The following TNC variants were observed in gnomAD, a reference collection of about 807,000 sequenced individuals.
TNC encodes tenascin.
Under a neutral mutation model 202.4 loss-of-function variants are expected in TNC, and 109 were observed. That is an observed-to-expected ratio of 0.54 (90% CI 0.46 to 0.63). The LOEUF (loss-of-function observed/expected upper bound fraction) is 0.63, where lower values mean the gene tolerates loss of function less well. Among genes scored for constraint, TNC ranks in the 30% least tolerant of loss-of-function variants. The pLI is 0.00. For synonymous variants in TNC, 1,007 were observed against 1,089.7 expected (o/e 0.92, Z 1.50); for missense variants, 2,756 against 2,833.3 (o/e 0.97, Z 0.62).
At chr9:115,026,743 C>T in intron 25 of TNC, 48 bp from the exon 26 acceptor site, 2 of 1,597,096 alleles carry the variant, frequency 1.3e-6, no homozygotes, top group South Asian at 1.1e-5. Flanking sequence ...TGACTGAGGC[C>T]CTCATTTCTA....
chr9:115,054,092 C>A (rs7858752), intron 15 of TNC, among the ~76,000 whole-genome samples: 16,014 of 152,056 alleles, frequency 0.11, 898 homozygotes, highest in Middle Eastern at 0.17. Flanking sequence ...TAGAGAGAGG[C>A]AACAGTACTG....
At chr9:115,063,746 C>A in intron 12 of TNC, 50 bp downstream of exon 12, 1 of 1,571,798 alleles carries the variant, frequency 6.4e-7, no homozygotes, top group South Asian at 1.2e-5. Flanking sequence ...TGATTCCTCC[C>A]GAGCAGAGAC....
chr9:115,084,591 T>G, intron 3 of TNC, 119 bp from the exon 4 acceptor site: 1 of 1,246,368 alleles, frequency 8.0e-7, no homozygotes, highest in Non-Finnish European at 1.1e-6. Flanking sequence ...TTCTGTTGCC[T>G]CTAAAATGCA....
In TNC at chr9:115,023,990, C is replaced by T. The variant is rs2131491175; in HGVS notation, c.6478G>A (p.Asp2160Asn). ...HRVNLMGRYG[D>N]NNHSQGVNWF... ...CCACTCACCTGACTGTGGTTATTGT[C>T]CCCATATCTCCCCATCAGGTTGACA... Residue 2160 changes from aspartate (D) to asparagine (N), a missense_variant, in exon 27 of 28, where the codon GAC becomes AAC. Transcript: ENST00000350763. The T allele has an allele frequency of 6.2e-7, 1 of 1,613,942 alleles. No individual in the cohort carries two copies. Among genetic ancestry groups the T allele is most frequent in the Non-Finnish European group, 8.5e-7 (1 of 1,179,846 alleles).
chr9:115,086,432 G>T lies in TNC; in HGVS notation c.1299C>A (p.Asp433Glu). Reference sequence around the variant, plus strand: ...CATTGGGGCACCGTAGCTGGCTGCAGTCCTCCCCAGTATAGCCCTCATCAC... The same window carrying T: ...CATTGGGGCACCGTAGCTGGCTGCATTCCTCCCCAGTATAGCCCTCATCAC... ...CVCDEGYTGE[D>E]CSQLRCPNDC... Residue 433 changes from aspartate (D) to glutamate (E), a missense_variant, in exon 3 of 28, where the codon GAC becomes GAA. Physicochemically the swap from Asp to Glu is conservative, Grantham distance 45. This residue lies in a region of TNC where 2,559 missense variants were observed against 2,546.0 expected (regional missense o/e 1.01). Transcript: ENST00000350763. The T allele has an allele frequency of 6.2e-7, 1 of 1,614,004 alleles. No homozygotes were observed. The highest frequency in any genetic ancestry group is 8.5e-7 in the Non-Finnish European group (1 of 1,180,024).
chr9:115,036,214 C>T lies in TNC; in HGVS notation c.5540G>A (p.Gly1847Glu). Reference sequence around the variant, plus strand: ...GGTCAGAGCATACTCCACTGTGTTCCCGGACACCGTGCGTGTAATTTCTGG... The same window carrying T: ...GGTCAGAGCATACTCCACTGTGTTCTCGGACACCGTGCGTGTAATTTCTGG... Reference protein sequence around the residue: ...KVPEITRTVSGNTVEYALTDL... With the variant: ...KVPEITRTVSENTVEYALTDL... Residue 1847 changes from glycine (G) to glutamate (E), a missense_variant, in exon 21 of 28, where the codon GGG becomes GAG. Physicochemically the swap from Gly to Glu is moderately conservative, Grantham distance 98. This residue lies in a region of TNC where 2,559 missense variants were observed against 2,546.0 expected (regional missense o/e 1.01). Coordinates refer to ENST00000350763, the MANE Select transcript of TNC (RefSeq NM_002160.4). The T allele has an allele frequency of 6.2e-7, 1 of 1,614,138 alleles. No individual in the cohort carries two copies. The highest frequency in any genetic ancestry group is 8.5e-7 in the Non-Finnish European group (1 of 1,180,008).
chr9:115,064,079 A>G lies in TNC; in HGVS notation c.3488-11T>C. The G allele has an allele frequency of 6.3e-7, 1 of 1,595,698 alleles. No homozygotes were observed. The highest frequency in any genetic ancestry group is 8.6e-7 in the Non-Finnish European group (1 of 1,169,244). On this transcript the variant is annotated splice_polypyrimidine_tract_variant and intron_variant, in intron 11 of 27. Transcript: ENST00000350763. ...AATTGGGAGTTTCCCCTGGAGAAGG[A>G]CAAAGAACTAGTTTAGTGATCAAAT...
chr9:115,041,310 G>GGT (rs1331447108), intron 18 of TNC, among the ~76,000 whole-genome samples: 38 of 124,604 alleles, frequency 3.0e-4, no homozygotes, highest in Non-Finnish European at 1.5e-4. Context: ...CAGGAGGGGC[G>GGT]GGGGAAAACA....
At chr9:115,021,608 T>C (rs2131422346) in intron 27 of TNC, among the ~76,000 whole-genome samples, 1 of 152,282 alleles carries the variant, frequency 6.6e-6, no homozygotes, top group Non-Finnish European at 1.5e-5. Flanking sequence ...GTTCAGGTCA[T>C]TATTAGAAGT....
chr9:115,042,282 T>G lies in TNC; in HGVS notation c.5185A>C (p.Ser1729Arg). The G allele has an allele frequency of 1.9e-6, 3 of 1,614,136 alleles. No homozygotes were observed. The highest frequency in any genetic ancestry group is 2.5e-6 in the Non-Finnish European group (3 of 1,179,986). ...ACTTGGGCTGTGGGTGCCCTCCAGC[T>G]GACAGTAGCCGAATTTTCAGTGATG... ...SDITENSATV[S>R]WRAPTAQVES... Residue 1729 changes from serine to arginine, a missense_variant, in exon 18 of 28, where the codon AGC (serine) becomes CGC (arginine). By Grantham distance (110) the Ser-to-Arg change is moderately radical (BLOSUM62 -1). Coordinates refer to ENST00000350763, the MANE Select transcript of TNC (RefSeq NM_002160.4).
chr9:115,096,951 CTCTT>C (rs1835842907), intron 1 of TNC, among the ~76,000 whole-genome samples: 1 of 152,178 alleles, frequency 6.6e-6, no homozygotes, highest in Admixed American at 6.5e-5. Context: ...AGTCTAATGT[CTCTT>C]TCTGTCTGCT....
intron 17 of TNC, among the ~76,000 whole-genome samples, chr9:115,045,152 T>C (rs1588047190): frequency 6.6e-6 from 1 of 152,146 alleles, no homozygotes; most frequent in Admixed American, 6.5e-5. Flanking sequence ...AGCTACATCA[T>C]CTCTCAGGTC....
chr9:115,048,238 T>C (rs1268843787), intron 16 of TNC, 22 bp downstream of exon 16: 2 of 1,608,464 alleles, frequency 1.2e-6, no homozygotes, highest in South Asian at 2.2e-5. Context: ...GAGGAACAAA[T>C]GGCTCACTTG....
chr9:115,041,155 A>G (rs1012914382), intron 18 of TNC, 71 bp from the exon 19 acceptor site: 2 of 1,495,576 alleles, frequency 1.3e-6, no homozygotes, highest in Non-Finnish European at 9.0e-7. Flanking sequence ...GCCCCCAAAA[A>G]GAGTGTATCT....
chr9:115,072,661 A>G (rs1833549176), intron 10 of TNC, among the ~76,000 whole-genome samples: 1 of 152,156 alleles, frequency 6.6e-6, no homozygotes, highest in Non-Finnish European at 1.5e-5. Context: ...CGCAAGCACT[A>G]TGAGCAGGCA....
At chr9:115,082,031 A>T in intron 5 of TNC, 103 bp from the exon 6 acceptor site, 1 of 1,174,374 alleles carries the variant, frequency 8.5e-7, no homozygotes, top group South Asian at 1.6e-5. Flanking sequence ...TTATTCTTTC[A>T]TCGATTCATT....
At chr9:115,062,812 T>A in intron 13 of TNC, 105 bp downstream of exon 13, 1 of 1,317,382 alleles carries the variant, frequency 7.6e-7, no homozygotes, top group Non-Finnish European at 1.0e-6. Context: ...TCACGCTGTC[T>A]GTCAACAACA....
rs752546303 is a variant in TNC at position 115,073,842 on chromosome 9, T to C, written c.2975A>G (p.Gln992Arg). 6.2e-7 allele frequency: 1 copy of C among 1,612,048 alleles called. No homozygotes were observed. Among genetic ancestry groups the C allele is most frequent in the South Asian group, 1.1e-5 (1 of 91,078 alleles). The change falls in exon 10 of 28, where the codon CAG (glutamine) becomes CGG (arginine). Residue 992 changes from glutamine (Q) to arginine (R), a missense_variant. By Grantham distance (43) the Gln-to-Arg change is conservative. Transcript: ENST00000350763. Reference protein sequence around the residue: ...ATELDTPKDLQVSETAETSLT... With the variant: ...ATELDTPKDLRVSETAETSLT... ...GCTGGTCTCTGCAGTTTCAGAAACC[T>C]GAAGGTCCTTGGGCGTGTCCAACTC...
At position 115,048,266 on chromosome 9, in the gene TNC, C is replaced by G. The variant is rs1199616365; in HGVS notation, c.4846G>C (p.Val1616Leu). The G allele has an allele frequency of 6.2e-7, 1 of 1,613,304 alleles. No homozygotes were observed. Among genetic ancestry groups the G allele is most frequent in the East Asian group, 2.2e-5 (1 of 44,864 alleles). Residue 1616 changes from valine to leucine, a missense_variant, in exon 16 of 28, where the codon GTT (valine) becomes CTT (leucine). Transcript: ENST00000350763. ...HQTKPLRAEI[V>L]TEAEPEVDNL... ...CTCACTTGATTTGAAATACCTGTAA[C>G]AATCTCAGCCCTCAAGGGCTTGGTT... is the stretch of plus-strand genomic sequence containing the variant.
Sources: gnomAD v4.1 joint callset for allele counts (sites outside exome capture counted in the v4.1 genomes callset) on GRCh38, gnomAD v4.1.1 for gene constraint, gnomAD v4.1.1 regional missense constraint, MANE v1.5 for transcripts, NCBI Gene and HGNC (gene_info 2026-07-23, HGNC 2026-07-21) for gene names.